Variants in PARD3 observed in about 807,000 individuals in gnomAD.
PARD3 encodes the protein partitioning defective 3 homolog.
Under a neutral mutation model 155.4 loss-of-function variants are expected in PARD3, and 75 were observed. The ratio of observed to expected loss-of-function variants is 0.48; its 90% CI spans 0.40 to 0.58. The LOEUF (loss-of-function observed/expected upper bound fraction) is 0.58, where lower values mean the gene tolerates loss of function less well. PARD3 is among the 20% of genes least tolerant of loss of function. The pLI, the probability that PARD3 is intolerant of heterozygous loss-of-function variation, is 0.00. For synonymous variants in PARD3, 576 were observed against 610.5 expected (o/e 0.94, Z 0.83); for missense variants, 1,642 against 1,721.7 (o/e 0.95, Z 0.82).
intron 2 of PARD3, among the ~76,000 whole-genome samples, chr10:34,542,511 C>T (rs1038675102): frequency 1.3e-5 from 2 of 152,152 alleles, no homozygotes; most frequent in Non-Finnish European, 2.9e-5. Context: ...TGCTGAGAAA[C>T]CCCATTATAG....
intron 1 of PARD3, among the ~76,000 whole-genome samples, chr10:34,737,646 C>T (rs574986355): frequency 6.6e-6 from 1 of 151,944 alleles, no homozygotes; most frequent in African/African-American, 2.4e-5. Flanking sequence ...GGGCCCTCGG[C>T]TCCCCCACCA....
chr10:34,256,911 G>A lies in PARD3; in HGVS notation c.3419+12746C>T, dbSNP rs139518516. 4.1e-3 allele frequency among the ~76,000 whole-genome samples: 626 copies of A among 152,234 alleles called. 1 individual carries two copies. Among genetic ancestry groups the A allele is most frequent in the Non-Finnish European group, 7.4e-3 (505 of 68,024 alleles). Reference sequence around the variant, plus strand: ...TTACTTTCTGTTCTGTAACGATACAGAAAGTTTATAATTTTCACATTTCTA... The same window carrying A: ...TTACTTTCTGTTCTGTAACGATACAAAAAGTTTATAATTTTCACATTTCTA... On this transcript the variant is annotated intron_variant, in intron 22 of 24. Transcript: ENST00000374788.
intron 5 of PARD3, among the ~76,000 whole-genome samples, chr10:34,430,109 T>C (rs1007123920): frequency 1.4e-4 from 21 of 152,254 alleles, no homozygotes; most frequent in Non-Finnish European, 2.9e-4. Context: ...AAACACCTTA[T>C]TGAAAGTGTT....
At chr10:34,233,279 T>C (rs551780513) in intron 22 of PARD3, among the ~76,000 whole-genome samples, 30 of 152,124 alleles carry the variant, frequency 2.0e-4, no homozygotes, top group African/African-American at 7.2e-4. Context: ...TCTTGGTTTC[T>C]ATAGGACTGC....
intron 22 of PARD3, among the ~76,000 whole-genome samples, chr10:34,159,927 A>T (rs979789258): frequency 3.3e-5 from 5 of 152,234 alleles, no homozygotes; most frequent in Non-Finnish European, 7.3e-5. Context: ...AGTGGACTCT[A>T]TGAGGAGGGC....
At chr10:34,253,323 G>C (rs1954442922) in intron 22 of PARD3, among the ~76,000 whole-genome samples, 1 of 152,182 alleles carries the variant, frequency 6.6e-6, no homozygotes, top group Non-Finnish European at 1.5e-5. Context: ...CTCCAGCAAA[G>C]CCTACAGGCC....
At chr10:34,341,998 G>A (rs933898929) in intron 15 of PARD3, among the ~76,000 whole-genome samples, 182 bp from the exon 16 acceptor site, 1 of 152,086 alleles carries the variant, frequency 6.6e-6, no homozygotes, top group Non-Finnish European at 1.5e-5. Context: ...CAGAGACCTC[G>A]AGTCTATTAC....
chr10:34,244,606 G>A (rs10827339), intron 22 of PARD3, among the ~76,000 whole-genome samples: 14,354 of 152,160 alleles, frequency 0.094, 2,084 homozygotes, highest in African/African-American at 0.31. Context: ...AAAAATTACA[G>A]TGTAATAATA....
chr10:34,318,837 C>T (rs1958183523), intron 19 of PARD3, among the ~76,000 whole-genome samples: 1 of 152,058 alleles, frequency 6.6e-6, no homozygotes, highest in South Asian at 2.1e-4. Flanking sequence ...GTGATCTCGA[C>T]TCACTGCAAC....
At chr10:34,478,415 T>G (rs1287119268) in intron 3 of PARD3, among the ~76,000 whole-genome samples, 2 of 152,220 alleles carry the variant, frequency 1.3e-5, no homozygotes, top group Non-Finnish European at 2.9e-5. Flanking sequence ...GCCTATATGT[T>G]GCACTTGAAA....
chr10:34,773,430 TG>T (rs1839144280), intron 1 of PARD3, among the ~76,000 whole-genome samples: 2 of 152,252 alleles, frequency 1.3e-5, no homozygotes, highest in African/African-American at 4.8e-5. Context: ...TTAAATAATG[TG>T]GGACTGAATA....
chr10:34,550,195 A>T (rs1405469102), intron 2 of PARD3, among the ~76,000 whole-genome samples: 1 of 152,202 alleles, frequency 6.6e-6, no homozygotes, highest in African/African-American at 2.4e-5. Context: ...GCACGTCACC[A>T]CAGACAGGCG....
intron 5 of PARD3, among the ~76,000 whole-genome samples, chr10:34,441,159 T>C (rs2076442085): frequency 1.3e-5 from 2 of 152,148 alleles, no homozygotes; most frequent in South Asian, 2.1e-4. Context: ...GCATACCTAA[T>C]GGTACTTCCA....
chr10:34,412,211 C>T (rs139264470), intron 5 of PARD3, among the ~76,000 whole-genome samples: 2 of 152,250 alleles, frequency 1.3e-5, no homozygotes, highest in African/African-American at 4.8e-5. Flanking sequence ...GATCTTCCCA[C>T]CTTGGCCTCT....
At chr10:34,327,622 G>T (rs1835167674) in intron 19 of PARD3, among the ~76,000 whole-genome samples, 1 of 152,164 alleles carries the variant, frequency 6.6e-6, no homozygotes, top group African/African-American at 2.4e-5. Flanking sequence ...ACGGTGCAAG[G>T]AGCTCTCTGT....
At chr10:34,581,731 G>T (rs2087507800) in intron 2 of PARD3, among the ~76,000 whole-genome samples, 1 of 152,142 alleles carries the variant, frequency 6.6e-6, no homozygotes, top group African/African-American at 2.4e-5. Context: ...GAGAACCCAG[G>T]ACTTGTCATC....
chr10:34,198,526 G>C (rs1052680404), intron 22 of PARD3, among the ~76,000 whole-genome samples: 13 of 151,662 alleles, frequency 8.6e-5, no homozygotes, highest in Non-Finnish European at 2.9e-5. Flanking sequence ...CTGGAAGGAT[G>C]ATCCTAGAAG....
chr10:34,305,543 G>T (rs1121831), intron 20 of PARD3, among the ~76,000 whole-genome samples: 2 of 152,072 alleles, frequency 1.3e-5, no homozygotes, highest in Admixed American at 1.3e-4. Flanking sequence ...AGACATGAAA[G>T]GGCAATTTTA....
At chr10:34,214,283 G>C (rs376709900) in intron 22 of PARD3, among the ~76,000 whole-genome samples, 1 of 152,186 alleles carries the variant, frequency 6.6e-6, no homozygotes, top group Non-Finnish European at 1.5e-5. Flanking sequence ...ATTGGAGGCA[G>C]TGGGTGTTGC....
Sources: allele counts gnomAD v4.1 joint callset (sites outside exome capture counted in the v4.1 genomes callset), GRCh38; gene constraint gnomAD v4.1.1; transcripts MANE v1.5; gene names NCBI Gene and HGNC (gene_info 2026-07-23, HGNC 2026-07-21).